Variants in SLIT3 observed in about 807,000 individuals in gnomAD.
SLIT3 encodes the protein slit homolog 3 protein.
SLIT3 carries 68 observed loss-of-function variants against 184.0 expected under a neutral mutation model. That is an observed-to-expected ratio of 0.37 (90% confidence interval 0.30 to 0.45). The LOEUF (loss-of-function observed/expected upper bound fraction) is 0.45. Among genes scored for constraint, SLIT3 ranks in the 20% least tolerant of loss-of-function variants. SLIT3 has a pLI of 1.00. For synonymous variants in SLIT3, 831 were observed against 828.6 expected (o/e 1.00, Z -0.05); for missense variants, 1,707 against 2,026.0 (o/e 0.84, Z 3.02).
chr5:169,243,517 AAGG>A (rs1765474991), intron 3 of SLIT3, among the ~76,000 whole-genome samples: 1 of 152,240 alleles, frequency 6.6e-6, no homozygotes, highest in Non-Finnish European at 1.5e-5. Flanking sequence ...TTTGACCCAG[AAGG>A]AGAACAATAA....
chr5:169,257,308 G>T (rs780962074), intron 1 of SLIT3, among the ~76,000 whole-genome samples: 1 of 151,888 alleles, frequency 6.6e-6, no homozygotes, highest in Non-Finnish European at 1.5e-5. Flanking sequence ...GAAAGAACCC[G>T]AGTCCCTGAA....
chr5:168,830,667 AAC>A (rs371685758), intron 6 of SLIT3, among the ~76,000 whole-genome samples: 1 of 152,204 alleles, frequency 6.6e-6, no homozygotes, highest in African/African-American at 2.4e-5. Context: ...TAATTCTCCC[AAC>A]ACTCCTGAGA....
At chr5:168,670,640 T>TG (rs1339785389) in intron 34 of SLIT3, among the ~76,000 whole-genome samples, 3 of 152,224 alleles carry the variant, frequency 2.0e-5, no homozygotes, top group Non-Finnish European at 4.4e-5. Flanking sequence ...CCCTTATTCC[T>TG]GATCCAAAAA....
chr5:168,883,241 T>C (rs1474437884), intron 5 of SLIT3, 24 bp downstream of exon 5: 1 of 1,606,586 alleles, frequency 6.2e-7, no homozygotes, highest in Non-Finnish European at 8.5e-7. Flanking sequence ...ACATACGTAG[T>C]GAAGCAAGGA....
At chr5:169,028,843 A>G (rs1398204930) in intron 4 of SLIT3, among the ~76,000 whole-genome samples, 1 of 152,206 alleles carries the variant, frequency 6.6e-6, no homozygotes, top group Non-Finnish European at 1.5e-5. Context: ...TGTTGATTCC[A>G]CTGCTTTCCA....
chr5:169,154,205 C>T (rs1762221445), intron 4 of SLIT3, among the ~76,000 whole-genome samples: 1 of 152,174 alleles, frequency 6.6e-6, no homozygotes, highest in Non-Finnish European at 1.5e-5. Context: ...CGTGATCCAC[C>T]CACCTCGGCC....
At chr5:168,896,073 T>G (rs1760650978) in intron 4 of SLIT3, among the ~76,000 whole-genome samples, 1 of 152,222 alleles carries the variant, frequency 6.6e-6, no homozygotes, top group Non-Finnish European at 1.5e-5. Context: ...TCCTTTGTGT[T>G]TCTGAGACTG....
At chr5:168,800,611 A>G (rs1468276006) in intron 9 of SLIT3, among the ~76,000 whole-genome samples, 1 of 152,122 alleles carries the variant, frequency 6.6e-6, no homozygotes, top group Non-Finnish European at 1.5e-5. Flanking sequence ...AAAGAAAGAA[A>G]GGTAAAGTGT....
chr5:169,074,208 C>T (rs1758655471), intron 4 of SLIT3, among the ~76,000 whole-genome samples: 1 of 152,168 alleles, frequency 6.6e-6, no homozygotes, highest in African/African-American at 2.4e-5. Context: ...GTTACCCTCA[C>T]AGGGCAAGTC....
At chr5:169,190,547 C>T (rs1763520218) in intron 4 of SLIT3, among the ~76,000 whole-genome samples, 1 of 152,144 alleles carries the variant, frequency 6.6e-6, no homozygotes, top group Non-Finnish European at 1.5e-5. Context: ...TATTATTTCC[C>T]TTTTCATTAC....
intron 12 of SLIT3, among the ~76,000 whole-genome samples, chr5:168,780,256 A>C (rs1755923285): frequency 6.6e-6 from 1 of 152,254 alleles, no homozygotes; most frequent in South Asian, 2.1e-4. Flanking sequence ...CCAGAGAGCA[A>C]GGCCTCCTCA....
chr5:168,677,609 C>G (rs563711026), intron 32 of SLIT3, among the ~76,000 whole-genome samples: 1 of 152,182 alleles, frequency 6.6e-6, no homozygotes, highest in African/African-American at 2.4e-5. Flanking sequence ...CCACCATCCC[C>G]GGCTAATTTT....
chr5:169,016,432 A>C (rs1756377801), intron 4 of SLIT3, among the ~76,000 whole-genome samples: 1 of 152,214 alleles, frequency 6.6e-6, no homozygotes, highest in Non-Finnish European at 1.5e-5. Context: ...ATTTTTATGA[A>C]CCAGAAAGCC....
chr5:168,872,313 T>C (rs2974436), intron 5 of SLIT3, among the ~76,000 whole-genome samples: 4,079 of 152,298 alleles, frequency 0.027, 82 homozygotes, highest in Middle Eastern at 0.088. Flanking sequence ...TATAACACTG[T>C]AATAGTGGAT....
intron 4 of SLIT3, among the ~76,000 whole-genome samples, chr5:169,099,070 G>C (rs1759906206): frequency 6.6e-6 from 1 of 151,878 alleles, no homozygotes; most frequent in Admixed American, 6.6e-5. Flanking sequence ...AAATTCCCTT[G>C]AGGATTTAAA....
At chr5:168,679,777 G>C (rs1458540422) in intron 32 of SLIT3, among the ~76,000 whole-genome samples, 1 of 152,128 alleles carries the variant, frequency 6.6e-6, no homozygotes, top group Non-Finnish European at 1.5e-5. Flanking sequence ...TTCATGTCCC[G>C]GAGCCAGCAC....
intron 35 of SLIT3, among the ~76,000 whole-genome samples, chr5:168,668,643 T>A (rs985567621): frequency 1.3e-5 from 2 of 152,208 alleles, no homozygotes; most frequent in African/African-American, 4.8e-5. Context: ...TGGGCTGGAG[T>A]GCAGTGGTGC....
chr5:169,020,944 G>A (rs1756574824), intron 4 of SLIT3, among the ~76,000 whole-genome samples: 1 of 152,194 alleles, frequency 6.6e-6, no homozygotes, highest in African/African-American at 2.4e-5. Flanking sequence ...TTATTTCCAG[G>A]GGAGACGGAA....
At chr5:168,896,292 G>C (rs561487905) in intron 4 of SLIT3, among the ~76,000 whole-genome samples, 1 of 152,196 alleles carries the variant, frequency 6.6e-6, no homozygotes, top group Admixed American at 6.5e-5. Context: ...TGTATAATGC[G>C]GACCATGAAA....
Sources: allele counts gnomAD v4.1 joint callset (sites outside exome capture counted in the v4.1 genomes callset), GRCh38; gene constraint gnomAD v4.1.1; transcripts MANE v1.5; gene names NCBI Gene and HGNC (gene_info 2026-07-23, HGNC 2026-07-21).